The following EHBP1 variants were observed in gnomAD, a reference collection of about 807,000 sequenced individuals.
EHBP1 encodes the protein EH domain binding protein 1.
In EHBP1, 55 loss-of-function variants were observed where a neutral mutation model predicts 144.0. The observed-to-expected ratio is 0.38, with a 90% CI of 0.31 to 0.48. The LOEUF (loss-of-function observed/expected upper bound fraction) is 0.48. Among genes scored for constraint, EHBP1 ranks in the 20% least tolerant of loss-of-function variants. The probability of loss-of-function intolerance (pLI) is 0.98; values close to 1 mark genes in which losing one functional copy is unlikely to be tolerated. For missense variants in EHBP1, 1,200 were observed against 1,364.2 expected, an observed-to-expected ratio of 0.88 and a Z score of 1.90; for synonymous variants, 469 against 472.7, an observed-to-expected ratio of 0.99 and a Z score of 0.10.
Position 62,864,748 on chromosome 2 carries a change from G to A in EHBP1, c.775G>A (p.Ala259Thr). ...TTTTATAGAACCTATCACTGAAACA[G>A]CTTCACCTAGAAAAACAGAAGACTC... ...PDSEEPITET[A>T]SPRKTEDSFY... The change falls in exon 9 of 23, where the codon GCT becomes ACT. Residue 259 changes from alanine to threonine, a missense_variant. This residue lies in a region of EHBP1 where 266 missense variants were observed against 262.4 expected (regional missense o/e 1.01). Transcript: ENST00000431489. The A allele has an allele frequency of 6.2e-7, 1 of 1,611,536 alleles. No individual in the cohort carries two copies. Among genetic ancestry groups the A allele is most frequent in the Non-Finnish European group, 8.5e-7 (1 of 1,179,020 alleles).
intron 2 of EHBP1, among the ~76,000 whole-genome samples, chr2:62,741,280 G>A (rs1188865192): frequency 6.6e-6 from 1 of 152,140 alleles, no homozygotes. Flanking sequence ...GGTGGTGGTT[G>A]GAAAGGTCTG....
intron 3 of EHBP1, among the ~76,000 whole-genome samples, chr2:62,756,678 G>T (rs1341766568): frequency 1.3e-5 from 2 of 148,784 alleles, no homozygotes. Context: ...TGAGGCAGGA[G>T]AATAGCTTGA....
intron 5 of EHBP1, among the ~76,000 whole-genome samples, chr2:62,799,003 CAAAAAAAAAAAAA>C (rs757731955): frequency 1.3e-5 from 1 of 76,786 alleles, no homozygotes; most frequent in Non-Finnish European, 2.4e-5. Context: ...GACTCCGTCT[CAAAAAAAAAAAAA>C]AAAAAAAAAG....
intron 19 of EHBP1, among the ~76,000 whole-genome samples, chr2:63,015,134 G>C (rs1166345591): frequency 6.6e-6 from 1 of 152,090 alleles, no homozygotes; most frequent in Non-Finnish European, 1.5e-5. Context: ...ACATATATTT[G>C]ATGTTTCTAT....
intron 19 of EHBP1, among the ~76,000 whole-genome samples, chr2:63,019,383 A>T (rs2060607092): frequency 6.6e-6 from 1 of 152,218 alleles, no homozygotes; most frequent in Non-Finnish European, 1.5e-5. Flanking sequence ...TAGACAAGTT[A>T]GTTAATCTCT....
chr2:62,722,414 T>G (rs1433935548), intron 2 of EHBP1, among the ~76,000 whole-genome samples: 1 of 152,056 alleles, frequency 6.6e-6, no homozygotes, highest in African/African-American at 2.4e-5. Context: ...TGAGCCACCA[T>G]GCCCTGCCAA....
At chr2:62,771,501 A>C (rs1241664313) in intron 5 of EHBP1, 109 bp downstream of exon 5, 1 of 768,696 alleles carries the variant, frequency 1.3e-6, no homozygotes, top group Non-Finnish European at 2.1e-6. Flanking sequence ...TAAGAAAATT[A>C]AATAGTGATT....
At chr2:62,714,196 G>C (rs957595267) in intron 2 of EHBP1, among the ~76,000 whole-genome samples, 5 of 151,972 alleles carry the variant, frequency 3.3e-5, no homozygotes, top group African/African-American at 1.2e-4. Context: ...GACCAGCCTG[G>C]GTAACATGGT....
chr2:62,943,927 T>C, intron 12 of EHBP1, 77 bp downstream of exon 12: 1 of 1,127,778 alleles, frequency 8.9e-7, no homozygotes. Flanking sequence ...TTGGAGAAAG[T>C]GAGGCAGTTT....
chr2:62,744,797 T>C (rs2039003943), intron 2 of EHBP1, among the ~76,000 whole-genome samples: 1 of 152,002 alleles, frequency 6.6e-6, no homozygotes, highest in African/African-American at 2.4e-5. Flanking sequence ...GAGGCAACAG[T>C]TCAGGTGGCA....
intron 21 of EHBP1, among the ~76,000 whole-genome samples, chr2:63,042,342 A>T (rs2061696426): frequency 6.6e-6 from 1 of 152,138 alleles, no homozygotes; most frequent in African/African-American, 2.4e-5. Flanking sequence ...GTGTACATAT[A>T]TATTATATAA....
chr2:62,914,048 A>T (rs371357092), intron 10 of EHBP1, among the ~76,000 whole-genome samples: 1 of 152,294 alleles, frequency 6.6e-6, no homozygotes, highest in South Asian at 2.1e-4. Context: ...TCCTAGAAAG[A>T]GAGTGTCAAA....
chr2:62,951,791 C>T (rs1235846023), intron 13 of EHBP1, among the ~76,000 whole-genome samples: 3 of 152,152 alleles, frequency 2.0e-5, no homozygotes, highest in Non-Finnish European at 4.4e-5. Context: ...TCCCAAAGTA[C>T]TGGGATTACA....
In EHBP1 at chr2:62,874,276, G is replaced by A. The variant is rs144158924; in HGVS notation, c.999-70G>A. 120 of 1,265,716 alleles carry A rather than the reference G, an allele frequency of 9.5e-5. No homozygotes were observed. The African/African-American group carries it at 1.7e-3, about 18-fold the overall frequency. 78.4% of individuals were successfully genotyped at this position (1,265,716 alleles called of 1,614,324 possible). ...AAAGAAATTTTAGTTTTCAGTGCAT[G>A]TTTTATTATTTTACTTGTAAATGAA... On this transcript the variant is annotated intron_variant, in intron 9 of 22. Coordinates refer to ENST00000431489, the MANE Select transcript of EHBP1 (RefSeq NM_001142616.3).
chr2:62,830,171 C>G (rs1415660533), intron 6 of EHBP1, among the ~76,000 whole-genome samples: 45 of 97,182 alleles, frequency 4.6e-4, no homozygotes, highest in African/African-American at 1.6e-3. Flanking sequence ...CACACACACA[C>G]ACACACACAC....
intron 10 of EHBP1, among the ~76,000 whole-genome samples, chr2:62,917,686 A>G (rs1013368008): frequency 6.6e-6 from 1 of 152,210 alleles, no homozygotes; most frequent in South Asian, 2.1e-4. Context: ...TCACTTGTTT[A>G]TAACAAAATC....
intron 7 of EHBP1, among the ~76,000 whole-genome samples, chr2:62,838,012 T>C (rs1477877057): frequency 1.3e-5 from 2 of 148,788 alleles, no homozygotes; most frequent in Non-Finnish European, 3.0e-5. Context: ...TACAGAACTC[T>C]CCACCCCAAA....
At chr2:62,744,347 G>A (rs913332324) in intron 2 of EHBP1, among the ~76,000 whole-genome samples, 2 of 151,922 alleles carry the variant, frequency 1.3e-5, no homozygotes, top group African/African-American at 4.8e-5. Flanking sequence ...TGGAGAAAAC[G>A]CTCATAACTG....
chr2:62,808,280 T>G (rs1387209056), intron 5 of EHBP1, among the ~76,000 whole-genome samples: 7 of 151,716 alleles, frequency 4.6e-5, no homozygotes, highest in Admixed American at 4.6e-4. Context: ...TCTTCTGTAG[T>G]TGTCCCACAG....
Sources: gnomAD v4.1 joint callset for allele counts (sites outside exome capture counted in the v4.1 genomes callset) on GRCh38, gnomAD v4.1.1 for gene constraint, gnomAD v4.1.1 regional missense constraint, MANE v1.5 for transcripts, NCBI Gene and HGNC (gene_info 2026-07-23, HGNC 2026-07-21) for gene names.